Variants in DTNB observed in about 807,000 individuals in gnomAD.
DTNB encodes dystrobrevin beta.
Under a neutral mutation model 90.7 loss-of-function variants are expected in DTNB, and 63 were observed. The ratio of observed to expected loss-of-function variants is 0.69; its 90% CI spans 0.57 to 0.86. The LOEUF (loss-of-function observed/expected upper bound fraction) is 0.86, where lower values mean the gene tolerates loss of function less well. Ranked by LOEUF, DTNB falls within the 40% of genes least tolerant of loss-of-function variation. DTNB has a pLI of 0.00. For synonymous variants in DTNB, 277 were observed against 286.7 expected (o/e 0.97, Z 0.34); for missense variants, 744 against 807.1 (o/e 0.92, Z 0.95).
At chr2:25,634,536 ACCAC>A (rs2076699856) in intron 3 of DTNB, among the ~76,000 whole-genome samples, 1 of 97,562 alleles carries the variant, frequency 1.0e-5, no homozygotes, top group African/African-American at 3.4e-5. Context: ...CTGCCCGGCC[ACCAC>A]CCCGTCTGGG....
Position 25,651,622 on chromosome 2 carries a change from C to A in DTNB, c.67+972G>T, listed in dbSNP as rs192921692. Among the ~76,000 whole-genome samples the A allele has an allele frequency of 2.7e-3, 415 of 152,336 alleles. 1 individual carries two copies. Among genetic ancestry groups the A allele is most frequent in the African/African-American group, 9.3e-3 (387 of 41,568 alleles). Reference sequence around the variant, plus strand: ...TAACAAATAGTTATCCAGCCTATGACTGACAGGACAACACATGGCTGAGCT... The same window carrying A: ...TAACAAATAGTTATCCAGCCTATGAATGACAGGACAACACATGGCTGAGCT... On this transcript the variant is annotated intron_variant, in intron 2 of 20. Coordinates refer to ENST00000406818, the MANE Select transcript of DTNB (RefSeq NM_021907.5).
chr2:25,534,746 G>A lies in DTNB; in HGVS notation c.877-3149C>T, dbSNP rs180973318. 8.1e-4 allele frequency among the ~76,000 whole-genome samples: 122 copies of A among 150,402 alleles called. 1 individual carries two copies. The highest frequency in any genetic ancestry group is 2.8e-3 in the African/African-American group (116 of 40,856). ...GTTCCTCACATTCCAGACGATGGGC[G>A]GCCGGGCAGAGGCGCTCCTCACCTC... is the stretch of plus-strand genomic sequence containing the variant. On this transcript the variant is annotated intron_variant, in intron 8 of 20. Transcript: ENST00000406818.
chr2:25,433,795 G>A, intron 13 of DTNB, 115 bp downstream of exon 13: 1 of 1,189,594 alleles, frequency 8.4e-7, no homozygotes, highest in East Asian at 2.4e-5. Context: ...TAGGTTCACT[G>A]AGGCAAGGTC....
chr2:25,428,398 G>T (rs1479507593), intron 14 of DTNB, among the ~76,000 whole-genome samples: 2 of 150,786 alleles, frequency 1.3e-5, no homozygotes, highest in Non-Finnish European at 2.9e-5. Context: ...CTTACCTCAA[G>T]CATGAAACAG....
intron 13 of DTNB, among the ~76,000 whole-genome samples, chr2:25,433,341 C>T (rs2054580328): frequency 6.6e-6 from 1 of 152,148 alleles, no homozygotes; most frequent in South Asian, 2.1e-4. Flanking sequence ...AATGCAGGTC[C>T]TGTGCTGACT....
chr2:25,578,958 C>T (rs1288983875), intron 7 of DTNB, among the ~76,000 whole-genome samples: 10 of 151,966 alleles, frequency 6.6e-5, no homozygotes, highest in Admixed American at 6.6e-4. Flanking sequence ...TGATAGGTAA[C>T]ATATTTTATT....
chr2:25,423,058 C>T (rs751647121), intron 15 of DTNB, among the ~76,000 whole-genome samples: 49 of 152,168 alleles, frequency 3.2e-4, no homozygotes, highest in Middle Eastern at 3.4e-3. Flanking sequence ...GTTGTGGTGG[C>T]GGGTGCCTGT....
At chr2:25,512,203 A>G (rs503169) in intron 9 of DTNB, among the ~76,000 whole-genome samples, 49,708 of 151,904 alleles carry the variant, frequency 0.33, 9,713 homozygotes, top group African/African-American at 0.54. Context: ...CTCTCCAAAA[A>G]CTCATAAAAA....
chr2:25,435,288 T>C (rs2055339806), intron 12 of DTNB, among the ~76,000 whole-genome samples: 1 of 152,238 alleles, frequency 6.6e-6, no homozygotes, highest in Non-Finnish European at 1.5e-5. Flanking sequence ...CCCAAAGTCC[T>C]GGGATTACAG....
chr2:25,395,571 T>C (rs990667619), intron 16 of DTNB, among the ~76,000 whole-genome samples: 1 of 149,550 alleles, frequency 6.7e-6, no homozygotes, highest in Non-Finnish European at 1.5e-5. Flanking sequence ...TATATATTTA[T>C]GTATATTTAA....
intron 15 of DTNB, among the ~76,000 whole-genome samples, chr2:25,427,274 T>C (rs1328824062): frequency 6.6e-6 from 1 of 152,122 alleles, no homozygotes; most frequent in Non-Finnish European, 1.5e-5. Context: ...GCTAATATCC[T>C]ATTTATAAAC....
At chr2:25,620,733 G>A (rs1044315680) in intron 4 of DTNB, among the ~76,000 whole-genome samples, 4 of 152,256 alleles carry the variant, frequency 2.6e-5, no homozygotes, top group African/African-American at 7.2e-5. Context: ...CTGGAAGGCC[G>A]AGGCTGGAGA....
intron 12 of DTNB, among the ~76,000 whole-genome samples, chr2:25,450,178 TTA>T (rs939929718): frequency 2.7e-4 from 41 of 152,214 alleles, no homozygotes; most frequent in Non-Finnish European, 3.1e-4. Flanking sequence ...GTTTTAGCTT[TTA>T]TGTTTAAGTT....
intron 11 of DTNB, among the ~76,000 whole-genome samples, chr2:25,452,224 C>T (rs1237270158): frequency 6.6e-6 from 1 of 152,148 alleles, no homozygotes; most frequent in African/African-American, 2.4e-5. Flanking sequence ...CATTACTTTT[C>T]AACAAGAGTA....
chr2:25,556,096 C>T (rs886299968), intron 8 of DTNB, among the ~76,000 whole-genome samples: 3 of 151,244 alleles, frequency 2.0e-5, no homozygotes, highest in African/African-American at 7.3e-5. Flanking sequence ...ACACAGAATC[C>T]CATAGTAAGT....
At chr2:25,528,909 T>C (rs985115308) in intron 9 of DTNB, among the ~76,000 whole-genome samples, 22 of 152,172 alleles carry the variant, frequency 1.4e-4, no homozygotes, top group African/African-American at 5.3e-4. Flanking sequence ...TTTAAATAAA[T>C]GCAAAGACAC....
intron 1 of DTNB, among the ~76,000 whole-genome samples, chr2:25,659,657 T>C (rs2082747076): frequency 6.6e-6 from 1 of 152,034 alleles, no homozygotes; most frequent in Admixed American, 6.6e-5. Context: ...CAGATAAAAC[T>C]GACCAATTCC....
chr2:25,465,587 G>A (rs532726481), intron 10 of DTNB, among the ~76,000 whole-genome samples: 3 of 152,188 alleles, frequency 2.0e-5, no homozygotes, highest in East Asian at 1.9e-4. Context: ...TCTGCTCACC[G>A]CGCTTCAGCC....
At chr2:25,493,855 A>G (rs2068139092) in intron 9 of DTNB, among the ~76,000 whole-genome samples, 1 of 152,260 alleles carries the variant, frequency 6.6e-6, no homozygotes, top group Admixed American at 6.5e-5. Context: ...CAGATACTTA[A>G]GCTTTAGCTT....
Sources: allele counts gnomAD v4.1 joint callset (sites outside exome capture counted in the v4.1 genomes callset), GRCh38; gene constraint gnomAD v4.1.1; transcripts MANE v1.5; gene names NCBI Gene and HGNC (gene_info 2026-07-23, HGNC 2026-07-21).